The following AKAP13 variants were observed in gnomAD, a reference collection of about 807,000 sequenced individuals.
AKAP13 encodes the protein A-kinase anchor protein 13.
In AKAP13, 80 loss-of-function variants were observed where a neutral mutation model predicts 264.5. That is an observed-to-expected ratio of 0.30 (90% CI 0.25 to 0.36). AKAP13 has a LOEUF of 0.36. Ranked by LOEUF, AKAP13 falls within the 10% of genes least tolerant of loss-of-function variation. AKAP13 has a pLI of 1.00. For synonymous variants in AKAP13, 1,380 were observed against 1,250.2 expected, an observed-to-expected ratio of 1.10 and a Z score of -2.19; for missense variants, 3,712 against 3,435.2, an observed-to-expected ratio of 1.08 and a Z score of -2.01.
chr15:85,548,985 T>C (rs1420477931), intron 5 of AKAP13, among the ~76,000 whole-genome samples: 4 of 151,928 alleles, frequency 2.6e-5, no homozygotes, highest in African/African-American at 9.7e-5. Flanking sequence ...ACAATTCATG[T>C]AGAGAGCATA....
chr15:85,617,540 G>T (rs181876480), intron 8 of AKAP13, among the ~76,000 whole-genome samples: 1 of 152,084 alleles, frequency 6.6e-6, no homozygotes, highest in Non-Finnish European at 1.5e-5. Flanking sequence ...GCGCCCAGCC[G>T]GTAGGAGGGT....
intron 5 of AKAP13, among the ~76,000 whole-genome samples, chr15:85,570,615 C>T (rs756917163): frequency 6.6e-6 from 1 of 152,186 alleles, no homozygotes; most frequent in Non-Finnish European, 1.5e-5. Context: ...CCAGCACTAC[C>T]GAGTTTGGGC....
At chr15:85,641,831 T>C (rs1035665099) in intron 9 of AKAP13, among the ~76,000 whole-genome samples, 1 of 152,152 alleles carries the variant, frequency 6.6e-6, no homozygotes, top group Non-Finnish European at 1.5e-5. Context: ...TACTCTTCAA[T>C]AATGGATAAA....
intron 13 of AKAP13, among the ~76,000 whole-genome samples, chr15:85,668,666 G>A (rs568306258): frequency 6.6e-6 from 1 of 152,164 alleles, no homozygotes; most frequent in Non-Finnish European, 1.5e-5. Flanking sequence ...CAGAGGCCAG[G>A]CCTGGTGGTT....
intron 2 of AKAP13, among the ~76,000 whole-genome samples, chr15:85,502,901 CA>C (rs2076073706): frequency 6.6e-6 from 1 of 152,014 alleles, no homozygotes; most frequent in Non-Finnish European, 1.5e-5. Context: ...TAAGTAAAAC[CA>C]AAAAGTAATC....
At chr15:85,415,168 C>A in intron 1 of AKAP13, 1 of 965,930 alleles carries the variant, frequency 1.0e-6, no homozygotes, top group Non-Finnish European at 1.6e-6. Flanking sequence ...TGAGATGTGA[C>A]AGCACGCTGC....
chr15:85,439,714 G>A (rs867851260), intron 1 of AKAP13, among the ~76,000 whole-genome samples: 136 of 143,432 alleles, frequency 9.5e-4, no homozygotes, highest in Admixed American at 4.0e-3. Context: ...GTAAACTATC[G>A]CAAGAACAAA....
In AKAP13 at chr15:85,385,487, G is replaced by T. The variant is rs1021158; in HGVS notation, c.-12+4689G>T. Among the ~76,000 whole-genome samples the T allele has an allele frequency of 9.7e-3, 1,475 of 152,260 alleles. 14 individuals carry two copies. Among genetic ancestry groups the T allele is most frequent in the Middle Eastern group, 0.017 (5 of 294 alleles). On this transcript the variant is annotated intron_variant, in intron 1 of 36. Transcript: ENST00000394518. ...TTCATATATCCACTGCTGCAAACAG[G>T]ACAGTCCCTTCATCCTCCAGAATTC... is the stretch of plus-strand genomic sequence containing the variant.
chr15:85,544,186 C>T, intron 5 of AKAP13: 1 of 667,222 alleles, frequency 1.5e-6, no homozygotes, highest in South Asian at 1.5e-5. Context: ...GCCTGCCTGC[C>T]TTCTTCAATT....
chr15:85,436,929 C>G (rs1220516748), intron 1 of AKAP13, among the ~76,000 whole-genome samples: 1 of 151,852 alleles, frequency 6.6e-6, no homozygotes, highest in Admixed American at 6.6e-5. Flanking sequence ...CAAGAGCAAA[C>G]ACATTCAAAA....
intron 5 of AKAP13, among the ~76,000 whole-genome samples, chr15:85,559,515 A>T (rs754008944): frequency 3.3e-5 from 5 of 152,162 alleles, no homozygotes; most frequent in Admixed American, 6.5e-5. Context: ...AAATAATTAT[A>T]CAACTCACCA....
chr15:85,442,541 T>C (rs1205838702), intron 1 of AKAP13, among the ~76,000 whole-genome samples: 2 of 131,420 alleles, frequency 1.5e-5, no homozygotes, highest in Non-Finnish European at 1.6e-5. Flanking sequence ...TAATATATAT[T>C]ATATATATAT....
rs747404038 is a variant in AKAP13, at chr15:85,743,660, C to A, written c.8227C>A (p.Pro2743Thr). 2 of 1,614,146 alleles carry A rather than the reference C, an allele frequency of 1.2e-6. No individual in the cohort carries two copies. The highest frequency in any genetic ancestry group is 3.3e-5 in the Admixed American group (2 of 60,016). ...SISRTHKDKGPFHILSSTSQT... is the reference protein window; with the variant it reads ...SISRTHKDKGTFHILSSTSQT... ...CTCTCGGACACACAAAGATAAGGGG[C>A]CTTTTCACATACTGAGTTCAACCAG... The change falls in exon 36 of 37, where the codon CCT becomes ACT. Residue 2743 changes from proline to threonine, a missense_variant. Pro to Thr is a conservative substitution (Grantham distance 38). Coordinates refer to ENST00000394518, the MANE Select transcript of AKAP13 (RefSeq NM_007200.5).
At chr15:85,422,097 T>C (rs1177646037) in intron 1 of AKAP13, among the ~76,000 whole-genome samples, 1 of 152,206 alleles carries the variant, frequency 6.6e-6, no homozygotes, top group Non-Finnish European at 1.5e-5. Flanking sequence ...CAGGGATTTA[T>C]CCAGAGTCAT....
rs534691361 is a variant in AKAP13 at position 85,407,870 on chromosome 15, C to G, written c.-12+27072C>G. On this transcript the variant is annotated intron_variant, in intron 1 of 36. Transcript: ENST00000394518. The stretch of plus-strand genomic sequence containing the variant: ...GTGGCTTGGCAGAGGGAGAAGGGAG[C>G]ATTGCCTCTCAGACAAGTTAGAGGA... 3.1e-4 allele frequency among the ~76,000 whole-genome samples: 47 copies of G among 151,718 alleles called. 2 individuals carry two copies. Among genetic ancestry groups the G allele is most frequent in the African/African-American group, 1.0e-3 (42 of 41,054 alleles).
chr15:85,636,930 C>G (rs1202850798), intron 8 of AKAP13, among the ~76,000 whole-genome samples: 4 of 152,204 alleles, frequency 2.6e-5, no homozygotes, highest in Non-Finnish European at 5.9e-5. Flanking sequence ...TTCTTTTCAT[C>G]TAATGATGAT....
intron 1 of AKAP13, among the ~76,000 whole-genome samples, chr15:85,421,745 C>T (rs933226956): frequency 2.6e-5 from 4 of 152,330 alleles, no homozygotes; most frequent in Non-Finnish European, 5.9e-5. Flanking sequence ...CCAAGAAAGG[C>T]GACAGAAGGG....
At chr15:85,616,055 C>G (rs1206967868) in intron 8 of AKAP13, among the ~76,000 whole-genome samples, 1 of 152,194 alleles carries the variant, frequency 6.6e-6, no homozygotes, top group Non-Finnish European at 1.5e-5. Flanking sequence ...AGTGTCCATT[C>G]ACATGCTGCT....
intron 17 of AKAP13, among the ~76,000 whole-genome samples, chr15:85,706,980 TAAAAGAGATGTTGGCCC>T (rs551712544): frequency 1.7e-4 from 26 of 152,266 alleles, no homozygotes; most frequent in Admixed American, 7.2e-4. Context: ...GTGTCTGGGC[TAAAAGAGATGTTGGCCC>T]AAAAGAGATG....
Sources: allele counts gnomAD v4.1 joint callset (sites outside exome capture counted in the v4.1 genomes callset), GRCh38; gene constraint gnomAD v4.1.1; transcripts MANE v1.5; gene names NCBI Gene and HGNC (gene_info 2026-07-23, HGNC 2026-07-21).